SNX29: variants seen among roughly 807,000 people sequenced by gnomAD.
SNX29 encodes sorting nexin 29, also known as sorting nexin-29.
A neutral mutation model predicts 102.1 loss-of-function variants in SNX29; 78 were observed. The observed-to-expected ratio is 0.76, with a 90% CI of 0.64 to 0.92. The LOEUF (loss-of-function observed/expected upper bound fraction) is 0.92, where lower values mean the gene tolerates loss of function less well. Among genes scored for constraint, SNX29 ranks in the 40% least tolerant of loss-of-function variants. The pLI is 0.00. For missense variants in SNX29, 1,280 were observed against 1,061.7 expected (o/e 1.21, Z -2.86); for synonymous variants, 580 against 414.5 (o/e 1.40, Z -4.85).
rs761854420 is a variant in SNX29, at chr16:12,467,619, CGTTA to C, written c.2038-10096_2038-10093del. On this transcript the variant is annotated intron_variant, in intron 18 of 20. Coordinates refer to ENST00000566228, the MANE Select transcript of SNX29 (RefSeq NM_032167.5). ...TCATTCGTTTGTTCGTTTGTTCGTT[CGTTA>C]GTTCGTTCGTTCGTTCATTCATTCA... Among the ~76,000 whole-genome samples, 8 of 143,746 alleles carry C rather than the reference CGTTA, an allele frequency of 5.6e-5. No individual in the cohort carries two copies. In the South Asian group the frequency reaches 6.7e-4, roughly 12 times the overall value. The allele number at this position is 143,746 out of a possible 152,430, so 94.3% of individuals were successfully genotyped here.
intron 18 of SNX29, among the ~76,000 whole-genome samples, chr16:12,425,268 C>G (rs990789945): frequency 1.3e-5 from 2 of 152,118 alleles, no homozygotes; most frequent in Non-Finnish European, 2.9e-5. Context: ...TGGATCACCC[C>G]GCACATGCTA....
At chr16:12,489,587 G>A (rs114243461) in intron 19 of SNX29, among the ~76,000 whole-genome samples, 6,010 of 152,300 alleles carry the variant, frequency 0.039, 307 homozygotes, top group African/African-American at 0.11. Flanking sequence ...GTGGTGAAGA[G>A]TGAACAAGCT....
At chr16:12,150,396 G>T (rs2055248020) in intron 13 of SNX29, among the ~76,000 whole-genome samples, 1 of 152,176 alleles carries the variant, frequency 6.6e-6, no homozygotes, top group African/African-American at 2.4e-5. Flanking sequence ...TGCTACCAGG[G>T]GTTAAGGATG....
At chr16:12,214,178 C>T (rs2077262133) in intron 14 of SNX29, among the ~76,000 whole-genome samples, 1 of 152,194 alleles carries the variant, frequency 6.6e-6, no homozygotes, top group South Asian at 2.1e-4. Flanking sequence ...ATGGAATTGC[C>T]TGGAAATATC....
chr16:12,565,608 C>T (rs917748730), intron 20 of SNX29, among the ~76,000 whole-genome samples: 5 of 152,188 alleles, frequency 3.3e-5, no homozygotes, highest in African/African-American at 7.2e-5. Context: ...CTCACTGGGA[C>T]TTCCCAGGTG....
chr16:12,443,138 C>G (rs1043755785), intron 18 of SNX29: 2 of 421,444 alleles, frequency 4.7e-6, no homozygotes, highest in Non-Finnish European at 9.5e-6. Context: ...TAAATCCTGC[C>G]GGGCCTAGGG....
chr16:12,475,401 T>G (rs1054483431), intron 18 of SNX29, among the ~76,000 whole-genome samples: 1 of 152,350 alleles, frequency 6.6e-6, no homozygotes, highest in South Asian at 2.1e-4. Flanking sequence ...GTTATCAAAC[T>G]CTTTTTGTAA....
intron 20 of SNX29, among the ~76,000 whole-genome samples, chr16:12,554,127 C>T (rs980744375): frequency 2.6e-5 from 4 of 152,174 alleles, no homozygotes; most frequent in South Asian, 2.1e-4. Context: ...CATGCCCAGC[C>T]TGGATGCTTT....
intron 19 of SNX29, among the ~76,000 whole-genome samples, chr16:12,523,769 C>T (rs1052682022): frequency 2.6e-5 from 4 of 152,210 alleles, no homozygotes; most frequent in African/African-American, 9.6e-5. Flanking sequence ...AGCCCCTGAT[C>T]ACTGAGTGGT....
intron 5 of SNX29, among the ~76,000 whole-genome samples, chr16:12,046,173 A>AG (rs2050083058): frequency 6.6e-6 from 1 of 152,190 alleles, no homozygotes; most frequent in African/African-American, 2.4e-5. Context: ...GAGGGTCGGC[A>AG]GGGGGACCAG....
At chr16:12,357,351 T>TA (rs879911910) in intron 16 of SNX29, among the ~76,000 whole-genome samples, 50 of 152,082 alleles carry the variant, frequency 3.3e-4, no homozygotes, top group Non-Finnish European at 6.5e-4. Flanking sequence ...CAAAAAAAAA[T>TA]ACAATATCCT....
intron 8 of SNX29, among the ~76,000 whole-genome samples, chr16:12,054,090 C>G (rs1367013037): frequency 1.3e-5 from 2 of 151,990 alleles, no homozygotes; most frequent in African/African-American, 4.8e-5. Flanking sequence ...GCCTCAGCCT[C>G]CCGAGTAGCT....
chr16:12,485,879 C>A (rs1021896705), intron 19 of SNX29, among the ~76,000 whole-genome samples: 2 of 152,192 alleles, frequency 1.3e-5, no homozygotes, highest in African/African-American at 4.8e-5. Context: ...TGAGGGGCCA[C>A]AGGGCTCCCA....
intron 14 of SNX29, among the ~76,000 whole-genome samples, chr16:12,229,398 C>G (rs2077706549): frequency 2.0e-5 from 3 of 152,158 alleles, no homozygotes; most frequent in Non-Finnish European, 2.9e-5. Context: ...AACCAATTTC[C>G]ATGTCGTGTA....
chr16:12,321,836 T>C (rs1567436090), intron 15 of SNX29, among the ~76,000 whole-genome samples: 1 of 152,170 alleles, frequency 6.6e-6, no homozygotes, highest in Non-Finnish European at 1.5e-5. Flanking sequence ...CTGATGGGAC[T>C]TCCTTGGTGG....
rs1186617511 is a variant in SNX29 at position 12,525,688 on chromosome 16, C to T, written c.2318+847C>T. 2.6e-4 allele frequency among the ~76,000 whole-genome samples: 32 copies of T among 122,850 alleles called. No individual in the cohort carries two copies. The East Asian group carries it at 5.3e-3, about 20-fold the overall frequency. 80.6% of individuals were successfully genotyped at this position (122,850 alleles called of 152,430 possible). A position where few individuals can be genotyped will look rare whatever the true frequency, so the allele number is the denominator to read the frequency against. On this transcript the variant is annotated intron_variant, in intron 20 of 20. Transcript: ENST00000566228. ...GCCTGGGTGACAGAGCAAGACTCCA[C>T]GCCCCCCCCACCCCCCCCCCCAAAA... is the stretch of plus-strand genomic sequence containing the variant.
intron 16 of SNX29, among the ~76,000 whole-genome samples, chr16:12,392,138 C>G (rs1017356978): frequency 2.0e-5 from 3 of 152,182 alleles, no homozygotes; most frequent in African/African-American, 7.2e-5. Flanking sequence ...TGTTTTGTGT[C>G]TAGCTTTTGT....
intron 15 of SNX29, among the ~76,000 whole-genome samples, chr16:12,283,905 G>C (rs1340660715): frequency 1.3e-5 from 2 of 152,180 alleles, no homozygotes; most frequent in Non-Finnish European, 2.9e-5. Flanking sequence ...ACTTCTTAGG[G>C]ACTGTTAGTG....
intron 19 of SNX29, among the ~76,000 whole-genome samples, chr16:12,521,873 C>T (rs996498306): frequency 4.6e-5 from 7 of 152,204 alleles, no homozygotes; most frequent in South Asian, 2.1e-4. Flanking sequence ...TTCTCTCATT[C>T]GCACATAGCC....
Sources: allele counts gnomAD v4.1 joint callset (sites outside exome capture counted in the v4.1 genomes callset), GRCh38; gene constraint gnomAD v4.1.1; transcripts MANE v1.5; gene names NCBI Gene and HGNC (gene_info 2026-07-23, HGNC 2026-07-21).